Variants in MACROD1 observed in about 807,000 individuals in gnomAD.
MACROD1 encodes ADP-ribose glycohydrolase MACROD1.
Under a neutral mutation model 41.4 loss-of-function variants are expected in MACROD1, and 31 were observed. That is an observed-to-expected ratio of 0.75 (90% CI 0.56 to 1.01). The LOEUF is 1.01. MACROD1 is among the 50% of genes least tolerant of loss of function. The pLI is 0.00. For synonymous variants in MACROD1, 252 were observed against 203.4 expected, an observed-to-expected ratio of 1.24 and a Z score of -2.03; for missense variants, 473 against 460.0, an observed-to-expected ratio of 1.03 and a Z score of -0.26.
At chr11:64,007,167 C>T (rs1224931172) in intron 4 of MACROD1, among the ~76,000 whole-genome samples, 1 of 152,226 alleles carries the variant, frequency 6.6e-6, no homozygotes, top group Admixed American at 6.5e-5. Flanking sequence ...GTTCCAAACT[C>T]TACCATTCAA....
intron 3 of MACROD1, among the ~76,000 whole-genome samples, chr11:64,049,690 T>C (rs1943654247): frequency 6.6e-6 from 1 of 152,226 alleles, no homozygotes; most frequent in Non-Finnish European, 1.5e-5. Context: ...CTCAGTGATC[T>C]GCGGGGCAGG....
rs555040498 is a variant in MACROD1, at chr11:64,045,094, C to T, written c.518-29813G>A. On this transcript the variant is annotated intron_variant, in intron 3 of 10. Transcript: ENST00000255681. Reference sequence around the variant, plus strand: ...CTGTGCGGGCTGAGGGGGAGCAGTCCGGGTGCATGTGGTGGGTGGCATGTG... The same window carrying T: ...CTGTGCGGGCTGAGGGGGAGCAGTCTGGGTGCATGTGGTGGGTGGCATGTG... 1.2e-4 allele frequency among the ~76,000 whole-genome samples: 19 copies of T among 152,278 alleles called. No homozygotes were observed. The South Asian group carries it at 3.3e-3, about 27-fold the overall frequency.
intron 3 of MACROD1, among the ~76,000 whole-genome samples, chr11:64,109,395 G>A (rs1944820659): frequency 1.3e-5 from 2 of 152,140 alleles, no homozygotes; most frequent in Non-Finnish European, 2.9e-5. Flanking sequence ...CCCCAGACCT[G>A]GGAAACCCGG....
chr11:64,091,407 G>T (rs1944487906), intron 3 of MACROD1, among the ~76,000 whole-genome samples: 1 of 151,886 alleles, frequency 6.6e-6, no homozygotes, highest in Non-Finnish European at 1.5e-5. Context: ...AGGTTGGGGG[G>T]CGGGTGGCAC....
intron 3 of MACROD1, among the ~76,000 whole-genome samples, chr11:64,047,604 G>C (rs1421054319): frequency 6.6e-6 from 1 of 152,084 alleles, no homozygotes; most frequent in Non-Finnish European, 1.5e-5. Flanking sequence ...GAGGTTAATA[G>C]AGGGAAGGAA....
chr11:64,028,488 AAGGAGC>A (rs1222800726), intron 3 of MACROD1, among the ~76,000 whole-genome samples: 3 of 152,210 alleles, frequency 2.0e-5, no homozygotes, highest in Non-Finnish European at 4.4e-5. Context: ...AGGCGGAAGG[AAGGAGC>A]AGGAGGCAGG....
intron 3 of MACROD1, among the ~76,000 whole-genome samples, chr11:64,071,540 G>A (rs1377961559): frequency 6.6e-6 from 1 of 152,122 alleles, no homozygotes; most frequent in Non-Finnish European, 1.5e-5. Flanking sequence ...CAGACCAGGG[G>A]CCCACTCTGG....
intron 3 of MACROD1, among the ~76,000 whole-genome samples, chr11:64,028,546 T>A (rs548536534): frequency 3.2e-4 from 48 of 152,356 alleles, no homozygotes; most frequent in African/African-American, 1.1e-3. Flanking sequence ...AGGCCCGGCC[T>A]CAGCCCCTCT....
intron 3 of MACROD1, among the ~76,000 whole-genome samples, chr11:64,100,398 C>T (rs1308879775): frequency 6.6e-6 from 1 of 152,106 alleles, no homozygotes; most frequent in Non-Finnish European, 1.5e-5. Context: ...AAAATGGAAG[C>T]TTTTATGATG....
At chr11:64,028,535 G>A (rs1943251637) in intron 3 of MACROD1, among the ~76,000 whole-genome samples, 1 of 152,048 alleles carries the variant, frequency 6.6e-6, no homozygotes, top group South Asian at 2.1e-4. Context: ...ATTGGTATGC[G>A]AGGCCCGGCC....
intron 4 of MACROD1, chr11:64,001,072 T>C (rs1942817022): frequency 7.7e-6 from 2 of 259,064 alleles, no homozygotes; most frequent in Admixed American, 1.0e-4. Flanking sequence ...CGAGGGCGGC[T>C]GCAGGGCCTC....
At chr11:64,019,511 C>T (rs1042365005) in intron 3 of MACROD1, among the ~76,000 whole-genome samples, 11 of 152,210 alleles carry the variant, frequency 7.2e-5, no homozygotes, top group Admixed American at 2.0e-4. Context: ...AGCAGGTGGC[C>T]GCTGTCCAGC....
At chr11:64,065,624 CT>C (rs1308086275) in intron 3 of MACROD1, among the ~76,000 whole-genome samples, 2 of 57,828 alleles carry the variant, frequency 3.5e-5, no homozygotes, top group Non-Finnish European at 1.4e-4. Flanking sequence ...CCAGTCTCTA[CT>C]AAAAAATACA....
At chr11:64,119,097 A>T (rs1182446518) in intron 3 of MACROD1, 1 of 167,254 alleles carries the variant, frequency 6.0e-6, no homozygotes, top group Non-Finnish European at 1.5e-5. Context: ...GGGTAGATAG[A>T]GCCACATGCA....
chr11:64,079,905 G>A (rs1298994122), intron 3 of MACROD1, among the ~76,000 whole-genome samples: 1 of 152,164 alleles, frequency 6.6e-6, no homozygotes, highest in Non-Finnish European at 1.5e-5. Flanking sequence ...AGTCGTAAAT[G>A]AGGGAGGCAG....
chr11:64,032,150 TCAAGTCAC>T (rs1447339533), intron 3 of MACROD1, among the ~76,000 whole-genome samples: 1 of 151,962 alleles, frequency 6.6e-6, no homozygotes, highest in Non-Finnish European at 1.5e-5. Flanking sequence ...CTCCCTTGAG[TCAAGTCAC>T]CTCCTTCCCC....
chr11:64,054,744 A>T (rs1943752736), intron 3 of MACROD1, among the ~76,000 whole-genome samples: 1 of 152,048 alleles, frequency 6.6e-6, no homozygotes, highest in Non-Finnish European at 1.5e-5. Context: ...TTCCTGCCTG[A>T]ACCCCCACCT....
rs572955705 is a variant in MACROD1, at chr11:64,003,509, G to A, written c.548-3166C>T. On this transcript the variant is annotated intron_variant, in intron 4 of 10. Transcript: ENST00000255681. ...GCTGGGATTACAGATGTGAGCCTGT[G>A]TTTTTTTGAGACAGGGTCTTGCTAT... 2.6e-5 allele frequency among the ~76,000 whole-genome samples: 4 copies of A among 152,278 alleles called. No individual in the cohort carries two copies. In the East Asian group the frequency reaches 7.7e-4, roughly 29 times the overall value.
At chr11:64,105,795 G>A (rs1279149161) in intron 3 of MACROD1, among the ~76,000 whole-genome samples, 4 of 152,194 alleles carry the variant, frequency 2.6e-5, no homozygotes, top group African/African-American at 4.8e-5. Context: ...AAGGCCCCAG[G>A]AGGTGGGCGG....
Sources: gnomAD v4.1 joint callset for allele counts (sites outside exome capture counted in the v4.1 genomes callset) on GRCh38, gnomAD v4.1.1 for gene constraint, MANE v1.5 for transcripts, NCBI Gene and HGNC (gene_info 2026-07-23, HGNC 2026-07-21) for gene names.